DMRT1: variants seen among roughly 807,000 people sequenced by gnomAD.
The protein encoded by DMRT1 is doublesex- and mab-3-related transcription factor 1.
In DMRT1, 7 loss-of-function variants were observed where a neutral mutation model predicts 32.3. The observed-to-expected ratio is 0.22, with a 90% CI of 0.12 to 0.41. DMRT1 has a LOEUF of 0.41. Ranked by LOEUF, DMRT1 falls within the 10% of genes least tolerant of loss-of-function variation. The pLI is 1.00. For synonymous variants in DMRT1, 278 were observed against 206.1 expected (o/e 1.35, Z -2.99); for missense variants, 625 against 500.5 (o/e 1.25, Z -2.37).
chr9:920,143 G>C (rs1041835649), intron 4 of DMRT1, among the ~76,000 whole-genome samples: 2 of 152,112 alleles, frequency 1.3e-5, no homozygotes, highest in Non-Finnish European at 2.9e-5. Context: ...GGAGTCTGAG[G>C]GGGAGGGGAA....
intron 2 of DMRT1, among the ~76,000 whole-genome samples, chr9:864,200 CTTCT>C (rs575280366): frequency 1.9e-5 from 2 of 107,732 alleles, no homozygotes; most frequent in Middle Eastern, 9.6e-3. Context: ...ACTTCTTCTT[CTTCT>C]TTTTTTTCTT....
chr9:893,812 C>G (rs1399635571), intron 2 of DMRT1, 100 bp from the exon 3 acceptor site: 1 of 1,089,702 alleles, frequency 9.2e-7, no homozygotes, highest in Non-Finnish European at 1.4e-6. Flanking sequence ...GCATATTCAG[C>G]TACCTTGCTC....
At chr9:861,050 CTTTTTTTT>C (rs140608243) in intron 2 of DMRT1, among the ~76,000 whole-genome samples, 2 of 121,402 alleles carry the variant, frequency 1.6e-5, no homozygotes. Flanking sequence ...AATTTACTTT[CTTTTTTTT>C]TTTTTTTTTT....
chr9:880,546 G>T (rs1773742176), intron 2 of DMRT1, among the ~76,000 whole-genome samples: 1 of 151,694 alleles, frequency 6.6e-6, no homozygotes, highest in South Asian at 2.1e-4. Flanking sequence ...GGCCAATATG[G>T]TGAATCCCTG....
intron 2 of DMRT1, among the ~76,000 whole-genome samples, chr9:893,003 A>G (rs1162493361): frequency 3.3e-5 from 5 of 151,984 alleles, no homozygotes; most frequent in African/African-American, 1.2e-4. Flanking sequence ...ATGAATTTCT[A>G]ACTAGGCTAC....
Position 960,912 on chromosome 9 carries a change from C to G in DMRT1, c.968-7073C>G, listed in dbSNP as rs958830414. Among the ~76,000 whole-genome samples the G allele has an allele frequency of 4.6e-5, 7 of 152,276 alleles. No individual in the cohort carries two copies. The South Asian group carries it at 1.5e-3, about 32-fold the overall frequency. On this transcript the variant is annotated intron_variant, in intron 4 of 4. Coordinates refer to ENST00000382276, the MANE Select transcript of DMRT1 (RefSeq NM_021951.3). ...CAGTGCTGAGAAGTGACGCTAGGAA[C>G]AGGGCTCAGTTCAGACAGCATCAGG...
Position 968,819 on chromosome 9 carries a change from T to G in DMRT1, c.*680T>G, listed in dbSNP as rs1342713141. Reference sequence around the variant, plus strand: ...TTAGTGATGCAGAGTTCCTGAGTGGTGTTTGTAGAATGAGTTTATCATACA... The same window carrying G: ...TTAGTGATGCAGAGTTCCTGAGTGGGGTTTGTAGAATGAGTTTATCATACA... On this transcript the variant is annotated 3_prime_UTR_variant, in exon 5 of 5. Coordinates refer to ENST00000382276, the MANE Select transcript of DMRT1 (RefSeq NM_021951.3). The G allele has an allele frequency of 6.5e-6, 1 of 152,832 alleles. No homozygotes were observed. The highest frequency in any genetic ancestry group is 1.5e-5 in the Non-Finnish European group (1 of 68,184). The allele number at this position is 152,832 out of a possible 1,614,324, so 9.5% of individuals were successfully genotyped here.
chr9:931,945 G>A (rs997090183), intron 4 of DMRT1, among the ~76,000 whole-genome samples: 11 of 152,148 alleles, frequency 7.2e-5, no homozygotes, highest in Admixed American at 6.5e-4. Flanking sequence ...TATGTTGTGT[G>A]TTTTCAGGTC....
In DMRT1 at chr9:853,182, C is replaced by T. The variant is rs192378528; in HGVS notation, c.538+6039C>T. On this transcript the variant is annotated intron_variant, in intron 2 of 4. Coordinates refer to ENST00000382276, the MANE Select transcript of DMRT1 (RefSeq NM_021951.3). ...CTGCCCCAACACATGCAGAGCCTCT[C>T]CCACATTACCAGCATCCCCATCAGA... 3.3e-5 allele frequency among the ~76,000 whole-genome samples: 5 copies of T among 152,224 alleles called. No homozygotes were observed. In the East Asian group the frequency reaches 9.7e-4, roughly 29 times the overall value.
At chr9:874,801 C>CTTT (rs71327354) in intron 2 of DMRT1, among the ~76,000 whole-genome samples, 127 of 76,952 alleles carry the variant, frequency 1.7e-3, no homozygotes, top group Non-Finnish European at 2.3e-3. Context: ...ACAAGTTAAT[C>CTTT]TTTTTTTTTT....
At chr9:966,088 C>G (rs1819922788) in intron 4 of DMRT1, among the ~76,000 whole-genome samples, 1 of 152,172 alleles carries the variant, frequency 6.6e-6, no homozygotes, top group South Asian at 2.1e-4. Context: ...GTAACAAGAT[C>G]TCAAAGCAGT....
At chr9:897,794 G>C (rs1480567807) in intron 3 of DMRT1, among the ~76,000 whole-genome samples, 1 of 151,984 alleles carries the variant, frequency 6.6e-6, no homozygotes, top group Non-Finnish European at 1.5e-5. Context: ...AGCTACCTCA[G>C]ATCCCCTTTG....
chr9:858,824 A>C (rs1307133025), intron 2 of DMRT1, among the ~76,000 whole-genome samples: 1 of 149,040 alleles, frequency 6.7e-6, no homozygotes, highest in African/African-American at 2.5e-5. Flanking sequence ...CAGTGAGCTG[A>C]GATCGCGCCA....
At chr9:857,770 TC>T (rs372766508) in intron 2 of DMRT1, among the ~76,000 whole-genome samples, 1 of 96,452 alleles carries the variant, frequency 1.0e-5, no homozygotes, top group Non-Finnish European at 2.0e-5. Flanking sequence ...ATGCTATCCC[TC>T]CCCCCTCCCC....
At chr9:856,455 A>G (rs920680992) in intron 2 of DMRT1, among the ~76,000 whole-genome samples, 2 of 152,156 alleles carry the variant, frequency 1.3e-5, no homozygotes, top group African/African-American at 2.4e-5. Context: ...AGAGGTGTCT[A>G]TTCTGGAAAT....
intron 4 of DMRT1, among the ~76,000 whole-genome samples, chr9:946,539 G>A (rs1225913150): frequency 6.6e-6 from 1 of 152,126 alleles, no homozygotes; most frequent in Non-Finnish European, 1.5e-5. Context: ...ACAAGCCCCG[G>A]CATAGTCCAT....
At chr9:863,415 G>T (rs1318556261) in intron 2 of DMRT1, among the ~76,000 whole-genome samples, 3 of 151,980 alleles carry the variant, frequency 2.0e-5, no homozygotes, top group African/African-American at 7.3e-5. Flanking sequence ...AGAGTTTCCA[G>T]GCTTGACAGA....
Position 894,515 on chromosome 9 carries a change from A to G in DMRT1, c.822+320A>G, listed in dbSNP as rs1817277646. ...ACTTTTCTCATTTTTTGAATGTTGC[A>G]TAAATAACCAGTTGGGCACAGGCAG... On this transcript the variant is annotated intron_variant, in intron 3 of 4. Transcript: ENST00000382276. The G allele has an allele frequency of 7.7e-6, 3 of 392,104 alleles. 1 individual carries two copies. The Admixed American group carries it at 1.1e-4, about 14-fold the overall frequency. The allele number at this position is 392,104 out of a possible 1,614,324, so 24.3% of individuals were successfully genotyped here. A position where few individuals can be genotyped will look rare whatever the true frequency, so the allele number is the denominator to read the frequency against.
At position 965,523 on chromosome 9, in the gene DMRT1, A is replaced by C. The variant is rs1343026851; in HGVS notation, c.968-2462A>C. Reference sequence around the variant, plus strand: ...GTTAGAGCAAAAGGGGGATATTGTCAAATTCCTTTCTTTTGCAAAATTCCC... The same window carrying C: ...GTTAGAGCAAAAGGGGGATATTGTCCAATTCCTTTCTTTTGCAAAATTCCC... On this transcript the variant is annotated intron_variant, in intron 4 of 4. Coordinates refer to ENST00000382276, the MANE Select transcript of DMRT1 (RefSeq NM_021951.3). The surrounding 1 kb of genome is among the most constrained non-coding windows in gnomAD (Gnocchi z 4.5). Among the ~76,000 whole-genome samples, 1 of 152,202 alleles carries C rather than the reference A, an allele frequency of 6.6e-6. No homozygotes were observed. Among genetic ancestry groups the C allele is most frequent in the Admixed American group, 6.5e-5 (1 of 15,286 alleles).
Sources: gnomAD v4.1 joint callset for allele counts (sites outside exome capture counted in the v4.1 genomes callset) on GRCh38, gnomAD v4.1.1 for gene constraint, Gnocchi (gnomAD v3.1) non-coding constraint, MANE v1.5 for transcripts, NCBI Gene and HGNC (gene_info 2026-07-23, HGNC 2026-07-21) for gene names.